The following MBNL3 variants were observed in gnomAD, a reference collection of about 807,000 sequenced individuals.
The protein encoded by MBNL3 is muscleblind like splicing regulator 3.
MBNL3 carries 6 observed loss-of-function variants against 24.5 expected under a neutral mutation model. That is an observed-to-expected ratio of 0.25 (90% confidence interval 0.13 to 0.48). The LOEUF is 0.48. Ranked by LOEUF, MBNL3 falls within the 20% of genes least tolerant of loss-of-function variation. The pLI is 0.99. For missense variants in MBNL3, 230 were observed against 293.5 expected (o/e 0.78, Z 1.58); for synonymous variants, 100 against 101.7 (o/e 0.98, Z 0.10).
chrX:132,402,476 C>G (rs1001813923), intron 3 of MBNL3, among the ~76,000 whole-genome samples: 5 of 111,649 alleles, frequency 4.5e-5, no homozygotes, highest in Non-Finnish European at 7.5e-5. Flanking sequence ...TCCACTGTGC[C>G]TACTCTTTCT....
chrX:132,392,361 T>C, intron 3 of MBNL3, 27 bp from the exon 4 acceptor site: 1 of 1,108,724 alleles, frequency 9.0e-7, no homozygotes, highest in East Asian at 3.1e-5. Flanking sequence ...GAAAAAAAGA[T>C]GTTAGAGGTA....
Position 132,376,477 on chromosome X carries a change from G to C in MBNL3, c.*3189C>G, listed in dbSNP as rs1250410555. Reference sequence around the variant, plus strand: ...TTTAGATTATTTTCTCTGTATACATGACCCGTTTTATCCAAGTTTCAGCAC... The same window carrying C: ...TTTAGATTATTTTCTCTGTATACATCACCCGTTTTATCCAAGTTTCAGCAC... On this transcript the variant is annotated 3_prime_UTR_variant, in exon 9 of 9. Transcript: ENST00000370853. 9.0e-6 allele frequency: 1 copy of C among 111,088 alleles called. No individual in the cohort carries two copies. The highest frequency in any genetic ancestry group is 1.9e-5 in the Non-Finnish European group (1 of 52,817). 9.2% of individuals were successfully genotyped at this position (111,088 alleles called of 1,213,427 possible).
chrX:132,447,194 T>C (rs767773561), intron 1 of MBNL3, among the ~76,000 whole-genome samples: 2 of 112,005 alleles, frequency 1.8e-5, no homozygotes, highest in Non-Finnish European at 3.8e-5. Context: ...GCGTGATGCC[T>C]CCAGCCTTGT....
intron 2 of MBNL3, among the ~76,000 whole-genome samples, chrX:132,425,871 G>C (rs1221562255): frequency 1.8e-5 from 2 of 111,902 alleles, no homozygotes; most frequent in African/African-American, 6.5e-5. Context: ...GTAACAGTTG[G>C]AGAATATCCA....
chrX:132,381,995 T>G (rs933278894), intron 8 of MBNL3, among the ~76,000 whole-genome samples, 183 bp downstream of exon 8: 9 of 112,230 alleles, frequency 8.0e-5, no homozygotes, highest in African/African-American at 2.9e-4. Context: ...ACTCCTCTGA[T>G]TCATCTTGGG....
chrX:132,489,042 G>A (rs968922346), upstream of MBNL3: 16 of 113,405 alleles, frequency 1.4e-4, no homozygotes, highest in African/African-American at 4.5e-4. Flanking sequence ...TTAAAGCGAG[G>A]TTCCTGAAAT....
intron 5 of MBNL3, among the ~76,000 whole-genome samples, chrX:132,388,689 G>A (rs1048577719): frequency 3.7e-4 from 41 of 111,394 alleles, no homozygotes; most frequent in African/African-American, 1.3e-3. Context: ...TAAACCTGCC[G>A]AAGAGGTGTG....
At chrX:132,411,940 G>A (rs1483532037) in intron 2 of MBNL3, among the ~76,000 whole-genome samples, 1 of 111,480 alleles carries the variant, frequency 9.0e-6, no homozygotes, top group East Asian at 2.8e-4. Flanking sequence ...AAACCTAAGT[G>A]CTTCTCTTGC....
intron 1 of MBNL3, among the ~76,000 whole-genome samples, chrX:132,455,154 A>G (rs1334005630): frequency 1.8e-5 from 2 of 111,810 alleles, no homozygotes; most frequent in African/African-American, 6.5e-5. Flanking sequence ...GTTCTCTTCC[A>G]TCTTCCAAGA....
chrX:132,396,430 CTA>C (rs1385387618), intron 3 of MBNL3, among the ~76,000 whole-genome samples: 1 of 73,947 alleles, frequency 1.4e-5, no homozygotes, highest in African/African-American at 5.4e-5. Context: ...ATATATATTC[CTA>C]TATATATTCA....
At chrX:132,489,813 C>T (rs1243719114), upstream of MBNL3, 1 of 110,517 alleles carries the variant, frequency 9.0e-6, no homozygotes, top group Non-Finnish European at 1.9e-5. Flanking sequence ...GCCAACCTCA[C>T]CTGGCTCCGC....
intron 2 of MBNL3, among the ~76,000 whole-genome samples, chrX:132,423,651 A>G (rs1276859761): frequency 9.0e-6 from 1 of 111,470 alleles, no homozygotes; most frequent in Non-Finnish European, 1.9e-5. Flanking sequence ...AACACATCTC[A>G]TACAACCCTT....
intron 3 of MBNL3, among the ~76,000 whole-genome samples, chrX:132,399,485 A>C (rs1221637742): frequency 9.0e-6 from 1 of 110,946 alleles, no homozygotes; most frequent in African/African-American, 3.3e-5. Context: ...ACTTTATTAC[A>C]AAGTGTATAA....
chrX:132,410,410 CT>C lies in MBNL3; in HGVS notation c.178-4019del, dbSNP rs753966987. 2.4e-3 allele frequency among the ~76,000 whole-genome samples: 262 copies of C among 111,417 alleles called. 3 individuals carry two copies. Among genetic ancestry groups the C allele is most frequent in the African/African-American group, 8.3e-3 (254 of 30,672 alleles). ...GGAACCTGGGAGGCTGCAAATTACC[CT>C]TTGTCAGCCACAGTATCTTAAGAGA... On this transcript the variant is annotated intron_variant, in intron 2 of 8. Transcript: ENST00000370853.
chrX:132,426,567 TCA>T (rs1944323181), intron 2 of MBNL3, among the ~76,000 whole-genome samples: 1 of 111,458 alleles, frequency 9.0e-6, no homozygotes, highest in Non-Finnish European at 1.9e-5. Context: ...CCCAAACATA[TCA>T]CAGTTTTCCC....
At chrX:132,414,653 C>T (rs1195964638) in intron 2 of MBNL3, among the ~76,000 whole-genome samples, 1 of 111,632 alleles carries the variant, frequency 9.0e-6, no homozygotes, top group African/African-American at 3.3e-5. Flanking sequence ...GTTTAACTCA[C>T]AAACCATCCC....
intron 1 of MBNL3, among the ~76,000 whole-genome samples, chrX:132,458,107 A>T (rs534890317): frequency 2.0e-3 from 218 of 111,307 alleles, no homozygotes; most frequent in African/African-American, 6.2e-3. Context: ...ATCCATAATT[A>T]ACCTTCTATA....
In MBNL3 at chrX:132,439,440, G is replaced by T; in HGVS notation, c.172C>A (p.Leu58Ile). The T allele has an allele frequency of 8.4e-7, 1 of 1,191,531 alleles. No individual in the cohort carries two copies. Among genetic ancestry groups the T allele is most frequent in the Non-Finnish European group, 1.1e-6 (1 of 886,895 alleles). The stretch of plus-strand genomic sequence containing the variant: ...TGCATTCAGATGGGACTCACCTTTA[G>T]AGAATCAAAACAGGCCACCACACGA... ...NGRVVACFDS[L>I]KGRCTRENCK... The change falls in exon 2 of 9, where the codon CTA becomes ATA. Residue 58 changes from leucine to isoleucine, a missense_variant. By Grantham distance (5) the Leu-to-Ile change is conservative. Transcript: ENST00000370853.
intron 3 of MBNL3, among the ~76,000 whole-genome samples, chrX:132,400,114 C>G (rs990818018): frequency 2.7e-5 from 3 of 111,252 alleles, no homozygotes; most frequent in African/African-American, 9.8e-5. Context: ...GAAGATATAC[C>G]TAATGCTAAA....
Sources: allele counts gnomAD v4.1 joint callset (sites outside exome capture counted in the v4.1 genomes callset), GRCh38; gene constraint gnomAD v4.1.1; transcripts MANE v1.5; gene names NCBI Gene and HGNC (gene_info 2026-07-23, HGNC 2026-07-21).